Variants in MARCHF8 observed in about 807,000 individuals in gnomAD.
The protein encoded by MARCHF8 is E3 ubiquitin-protein ligase MARCHF8.
Under a neutral mutation model 51.6 loss-of-function variants are expected in MARCHF8, and 40 were observed. The observed-to-expected ratio is 0.77, with a 90% CI of 0.60 to 1.01. MARCHF8 has a LOEUF of 1.01. MARCHF8 is among the 50% of genes least tolerant of loss of function. The pLI, the probability that MARCHF8 is intolerant of heterozygous loss-of-function variation, is 0.00. For synonymous variants in MARCHF8, 263 were observed against 280.3 expected (o/e 0.94, Z 0.62); for missense variants, 685 against 708.6 (o/e 0.97, Z 0.38).
chr10:45,574,390 A>C (rs2044465959), intron 1 of MARCHF8, among the ~76,000 whole-genome samples: 1 of 152,130 alleles, frequency 6.6e-6, no homozygotes. Context: ...CGTGGTGCCA[A>C]ACCCATATAC....
At chr10:45,558,068 T>G (rs2044271816) in intron 1 of MARCHF8, among the ~76,000 whole-genome samples, 1 of 152,248 alleles carries the variant, frequency 6.6e-6, no homozygotes, top group Non-Finnish European at 1.5e-5. Context: ...TAATTATCTT[T>G]GGTAATAGAT....
At chr10:45,526,284 G>C (rs71496611) in intron 2 of MARCHF8, among the ~76,000 whole-genome samples, 1,943 of 152,206 alleles carry the variant, frequency 0.013, 37 homozygotes, top group African/African-American at 0.044. Flanking sequence ...AGCAAGGCAC[G>C]TGCTCAGCCA....
intron 1 of MARCHF8, among the ~76,000 whole-genome samples, chr10:45,557,116 C>CTTTTT (rs58172142): frequency 1.5e-5 from 1 of 66,218 alleles, no homozygotes; most frequent in African/African-American, 6.5e-5. Flanking sequence ...GGTGCCTATT[C>CTTTTT]TTTTTTTTTT....
intron 2 of MARCHF8, among the ~76,000 whole-genome samples, chr10:45,514,680 T>C (rs74524688): frequency 6.6e-6 from 1 of 152,360 alleles, no homozygotes; most frequent in East Asian, 1.9e-4. Flanking sequence ...ATTCTAAGAC[T>C]TACTTGGTGC....
intron 1 of MARCHF8, among the ~76,000 whole-genome samples, chr10:45,571,357 C>T (rs1390767055): frequency 3.3e-5 from 5 of 152,150 alleles, no homozygotes. Flanking sequence ...AGCTCCCCCA[C>T]TGAGCACCTT....
intron 1 of MARCHF8, among the ~76,000 whole-genome samples, chr10:45,582,567 A>G (rs1270774128): frequency 6.6e-6 from 1 of 152,240 alleles, no homozygotes; most frequent in African/African-American, 2.4e-5. Context: ...TCCCATTTTT[A>G]TAAATGAGTA....
intron 3 of MARCHF8, among the ~76,000 whole-genome samples, chr10:45,485,230 G>A (rs1283298252): frequency 6.6e-6 from 1 of 152,160 alleles, no homozygotes; most frequent in Non-Finnish European, 1.5e-5. Flanking sequence ...TTACATGTGG[G>A]GTGAAGGTGC....
chr10:45,511,342 G>C (rs918985798), intron 2 of MARCHF8, among the ~76,000 whole-genome samples: 26 of 152,104 alleles, frequency 1.7e-4, no homozygotes, highest in African/African-American at 6.3e-4. Context: ...GAATTCATTT[G>C]CTGTAAAGGT....
At chr10:45,520,309 CAT>C (rs1238165209) in intron 2 of MARCHF8, among the ~76,000 whole-genome samples, 2 of 152,086 alleles carry the variant, frequency 1.3e-5, no homozygotes, top group Admixed American at 6.5e-5. Context: ...TTATAAATAC[CAT>C]ATGTTGGCCT....
chr10:45,500,430 T>C (rs2043258107), intron 2 of MARCHF8, among the ~76,000 whole-genome samples: 1 of 152,178 alleles, frequency 6.6e-6, no homozygotes. Context: ...CTCTTTTTCT[T>C]GCCTAATTGC....
chr10:45,580,003 CAAAAAAAAAAAAA>C (rs34446338), intron 1 of MARCHF8, among the ~76,000 whole-genome samples: 17 of 36,470 alleles, frequency 4.7e-4, no homozygotes, highest in East Asian at 3.7e-3. Flanking sequence ...ACTCCGTCTC[CAAAAAAAAAAAAA>C]AAAAAAAAAA....
chr10:45,594,616 C>CAGCCT (rs2044718182), exon 1 of MARCHF8: 1 of 150,134 alleles, frequency 6.7e-6, no homozygotes, highest in Non-Finnish European at 1.5e-5. Flanking sequence ...CAGCCCAGCC[C>CAGCCT]AGCCCAGCCC....
At chr10:45,532,958 A>G (rs1324197471) in intron 2 of MARCHF8, 152 bp downstream of exon 2, 4 of 505,558 alleles carry the variant, frequency 7.9e-6, no homozygotes, top group Non-Finnish European at 1.2e-5. Context: ...GAAATCTACA[A>G]AAAGACAATT....
intron 2 of MARCHF8, among the ~76,000 whole-genome samples, chr10:45,515,605 AAAT>A (rs1267663520): frequency 1.3e-5 from 2 of 151,968 alleles, no homozygotes. Context: ...TTTTGCAGGG[AAAT>A]AATGATTTCT....
intron 1 of MARCHF8, among the ~76,000 whole-genome samples, chr10:45,546,935 G>C (rs1277929147): frequency 6.6e-6 from 1 of 152,076 alleles, no homozygotes; most frequent in East Asian, 1.9e-4. Context: ...GAGTAATTTA[G>C]AGCATTGCCA....
At chr10:45,525,888 G>C (rs2043784105) in intron 2 of MARCHF8, among the ~76,000 whole-genome samples, 2 of 152,156 alleles carry the variant, frequency 1.3e-5, no homozygotes, top group African/African-American at 4.8e-5. Flanking sequence ...AGGGAAGTCT[G>C]AGAAACTGTC....
At chr10:45,534,739 A>C (rs1398733787) in intron 1 of MARCHF8, among the ~76,000 whole-genome samples, 1 of 152,182 alleles carries the variant, frequency 6.6e-6, no homozygotes, top group East Asian at 1.9e-4. Flanking sequence ...TAGGGTAAAC[A>C]ACAGGGCCTG....
chr10:45,534,150 T>G (rs1402019925), intron 1 of MARCHF8, among the ~76,000 whole-genome samples: 2 of 151,440 alleles, frequency 1.3e-5, no homozygotes, highest in Non-Finnish European at 2.9e-5. Flanking sequence ...ACCACTGCAC[T>G]CCAGCCTGGG....
intron 3 of MARCHF8, among the ~76,000 whole-genome samples, chr10:45,474,539 G>A (rs2042752154): frequency 6.6e-6 from 1 of 151,990 alleles, no homozygotes; most frequent in Non-Finnish European, 1.5e-5. Context: ...GAGTTTAGGT[G>A]ATATAATGAA....
Sources: gnomAD v4.1 joint callset for allele counts (sites outside exome capture counted in the v4.1 genomes callset) on GRCh38, gnomAD v4.1.1 for gene constraint, MANE v1.5 for transcripts, NCBI Gene and HGNC (gene_info 2026-07-23, HGNC 2026-07-21) for gene names.